SLC22A23: variants seen among roughly 807,000 people sequenced by gnomAD.
SLC22A23 encodes ion transporter protein.
Under a neutral mutation model 61.0 loss-of-function variants are expected in SLC22A23, and 26 were observed. The ratio of observed to expected loss-of-function variants is 0.43; its 90% confidence interval spans 0.31 to 0.59. The LOEUF (loss-of-function observed/expected upper bound fraction) is 0.59. Among genes scored for constraint, SLC22A23 ranks in the 20% least tolerant of loss-of-function variants. The pLI is 0.11. For missense variants in SLC22A23, 796 were observed against 934.7 expected, an observed-to-expected ratio of 0.85 and a Z score of 1.94; for synonymous variants, 430 against 413.9, an observed-to-expected ratio of 1.04 and a Z score of -0.47.
At chr6:3,326,956 C>A (rs1315067380) in intron 3 of SLC22A23, among the ~76,000 whole-genome samples, 2 of 152,118 alleles carry the variant, frequency 1.3e-5, no homozygotes, top group Non-Finnish European at 2.9e-5. Flanking sequence ...AGCCTTGAGT[C>A]CCGGCATCCA....
chr6:3,395,246 C>T (rs559777390), intron 3 of SLC22A23, among the ~76,000 whole-genome samples: 3 of 152,204 alleles, frequency 2.0e-5, no homozygotes, highest in Admixed American at 2.0e-4. Flanking sequence ...CCCACATTTT[C>T]ATCTGGATTT....
At chr6:3,292,942 C>T (rs1460772304) in intron 5 of SLC22A23, among the ~76,000 whole-genome samples, 5 of 152,220 alleles carry the variant, frequency 3.3e-5, no homozygotes, top group African/African-American at 1.2e-4. Context: ...AAAGGAGGCC[C>T]TGATGACCCT....
At chr6:3,402,356 T>C (rs950743096) in intron 3 of SLC22A23, among the ~76,000 whole-genome samples, 6 of 105,252 alleles carry the variant, frequency 5.7e-5, no homozygotes, top group African/African-American at 2.4e-4. Flanking sequence ...TCATGGAGGA[T>C]AGGTCTGTGT....
At chr6:3,374,199 C>T (rs1427174489) in intron 3 of SLC22A23, among the ~76,000 whole-genome samples, 1 of 152,202 alleles carries the variant, frequency 6.6e-6, no homozygotes, top group Non-Finnish European at 1.5e-5. Flanking sequence ...ACATCCTCTC[C>T]AGCAGCAGAA....
At chr6:3,440,023 G>A (rs1771484993) in intron 1 of SLC22A23, among the ~76,000 whole-genome samples, 1 of 152,144 alleles carries the variant, frequency 6.6e-6, no homozygotes, top group Non-Finnish European at 1.5e-5. Flanking sequence ...AGGTCATGGA[G>A]AGCCACGGAG....
At chr6:3,314,734 A>G (rs1581676072) in intron 4 of SLC22A23, among the ~76,000 whole-genome samples, 1 of 152,312 alleles carries the variant, frequency 6.6e-6, no homozygotes, top group South Asian at 2.1e-4. Flanking sequence ...TGAAATTAAA[A>G]AAAATAAAAC....
rs1352053090 is a variant in SLC22A23, at chr6:3,328,193, C to T, written c.914-4191G>A. 6.6e-6 allele frequency among the ~76,000 whole-genome samples: 1 copy of T among 151,230 alleles called. No homozygotes were observed. The highest frequency in any genetic ancestry group is 2.4e-5 in the African/African-American group (1 of 41,060). The stretch of plus-strand genomic sequence containing the variant: ...ACTTTGTCGATAAGCAGAGAGATTA[C>T]TGAGGGTTGTGAGAATGAAACAGTA... On this transcript the variant is annotated intron_variant, in intron 3 of 9. Coordinates refer to ENST00000406686, the MANE Select transcript of SLC22A23 (RefSeq NM_015482.2). The surrounding 1 kb of genome is among the most constrained non-coding windows in gnomAD (Gnocchi z 5.0).
intron 3 of SLC22A23, among the ~76,000 whole-genome samples, chr6:3,335,236 C>T (rs1307595701): frequency 1.3e-5 from 2 of 152,170 alleles, no homozygotes; most frequent in African/African-American, 4.8e-5. Context: ...AAGAGGTCTT[C>T]CTCTAAACCC....
At chr6:3,388,970 A>T (rs1767482176) in intron 3 of SLC22A23, among the ~76,000 whole-genome samples, 1 of 152,024 alleles carries the variant, frequency 6.6e-6, no homozygotes, top group Non-Finnish European at 1.5e-5. Context: ...CTGCAAATGA[A>T]AAAGTTCTGT....
rs553221671 is a variant in SLC22A23, at chr6:3,288,984, C to T, written c.1313+780G>A. On this transcript the variant is annotated intron_variant, in intron 6 of 9. Coordinates refer to ENST00000406686, the MANE Select transcript of SLC22A23 (RefSeq NM_015482.2). ...TGGGGGATGCTTGGCCCCTCGCCCT[C>T]ACCCTGGGCCTGTCTTTACCTGGTG... is the stretch of plus-strand genomic sequence containing the variant. 3.9e-5 allele frequency among the ~76,000 whole-genome samples: 6 copies of T among 152,394 alleles called. No individual in the cohort carries two copies. In the East Asian group the frequency reaches 5.8e-4, roughly 15 times the overall value.
intron 3 of SLC22A23, among the ~76,000 whole-genome samples, chr6:3,393,351 G>A (rs1036159346): frequency 6.6e-6 from 1 of 152,148 alleles, no homozygotes; most frequent in African/African-American, 2.4e-5. Flanking sequence ...CAATATAATA[G>A]CCACGAGCCA....
In SLC22A23 at chr6:3,443,617, C is replaced by G. The variant is rs375812617; in HGVS notation, c.654+12289G>C. On this transcript the variant is annotated intron_variant, in intron 1 of 9. Transcript: ENST00000406686. ...ATTACCCTCAATTAATTGCCAGAAA[C>G]ATCTGCCTATAACCCCTTCCACCCC... Among the ~76,000 whole-genome samples, 7 of 152,318 alleles carry G rather than the reference C, an allele frequency of 4.6e-5. No individual in the cohort carries two copies. The East Asian group carries it at 7.7e-4, about 17-fold the overall frequency.
intron 1 of SLC22A23, among the ~76,000 whole-genome samples, chr6:3,425,877 A>T (rs966247082): frequency 3.3e-5 from 5 of 152,214 alleles, no homozygotes; most frequent in Non-Finnish European, 7.3e-5. Flanking sequence ...TCCCCCAGTA[A>T]ACTCAAAGAA....
Position 3,324,069 on chromosome 6 carries a change from A to AC in SLC22A23, c.914-68dup. On this transcript the variant is annotated intron_variant, in intron 3 of 9. Transcript: ENST00000406686. The surrounding 1 kb of genome is among the most constrained non-coding windows in gnomAD (Gnocchi z 4.3). ...CGACAGCCCGAGAAGTCCTGGGTGC[A>AC]CCTGGGCCAGTGCACTGCTTAACCC... 1 of 1,574,290 alleles carries AC rather than the reference A, an allele frequency of 6.4e-7. No individual in the cohort carries two copies. Among genetic ancestry groups the AC allele is most frequent in the African/African-American group, 1.3e-5 (1 of 74,382 alleles).
At chr6:3,357,244 T>C (rs1046376941) in intron 3 of SLC22A23, among the ~76,000 whole-genome samples, 5 of 152,212 alleles carry the variant, frequency 3.3e-5, no homozygotes, top group Admixed American at 2.0e-4. Context: ...AAAGGTCAAG[T>C]ACACTGTAAA....
Position 3,410,137 on chromosome 6 carries a change from C to A in SLC22A23, c.913+51G>T. On this transcript the variant is annotated intron_variant, in intron 3 of 9. Transcript: ENST00000406686. The surrounding 1 kb of genome is among the most constrained non-coding windows in gnomAD (Gnocchi z 5.0). ...ATCTTTCCCAGAACCTCCCAGGCAA[C>A]AATACTTTTGCTAAATTCTTTCAAG... 4 of 1,563,016 alleles carry A rather than the reference C, an allele frequency of 2.6e-6. No homozygotes were observed. Among genetic ancestry groups the A allele is most frequent in the Non-Finnish European group, 3.5e-6 (4 of 1,154,922 alleles).
At chr6:3,350,242 T>A (rs1764685968) in intron 3 of SLC22A23, among the ~76,000 whole-genome samples, 1 of 152,198 alleles carries the variant, frequency 6.6e-6, no homozygotes, top group African/African-American at 2.4e-5. Flanking sequence ...AGCCCTAATG[T>A]GTCATAAACT....
chr6:3,315,256 C>G (rs1482469754), intron 4 of SLC22A23, among the ~76,000 whole-genome samples: 1 of 152,208 alleles, frequency 6.6e-6, no homozygotes, highest in Non-Finnish European at 1.5e-5. Flanking sequence ...GATGCCCCAT[C>G]TGTGCCTGCA....
At chr6:3,455,187 C>G (rs1279792262) in intron 1 of SLC22A23, among the ~76,000 whole-genome samples, 3 of 152,234 alleles carry the variant, frequency 2.0e-5, no homozygotes, top group Non-Finnish European at 4.4e-5. Context: ...CTACAGGACT[C>G]AGAGGACAAG....
Sources: gnomAD v4.1 joint callset for allele counts (sites outside exome capture counted in the v4.1 genomes callset) on GRCh38, gnomAD v4.1.1 for gene constraint, Gnocchi (gnomAD v3.1) non-coding constraint, MANE v1.5 for transcripts, NCBI Gene and HGNC (gene_info 2026-07-23, HGNC 2026-07-21) for gene names.